Variants in KCNH8 observed in about 807,000 individuals in gnomAD.
KCNH8 encodes the protein voltage-gated delayed rectifier potassium channel KCNH8.
Under a neutral mutation model 103.6 loss-of-function variants are expected in KCNH8, and 70 were observed. That is an observed-to-expected ratio of 0.68 (90% CI 0.56 to 0.82). The LOEUF (loss-of-function observed/expected upper bound fraction) is 0.82. Among genes scored for constraint, KCNH8 ranks in the 40% least tolerant of loss-of-function variants. The pLI, the probability that KCNH8 is intolerant of heterozygous loss-of-function variation, is 0.00. For synonymous variants in KCNH8, 498 were observed against 489.4 expected, an observed-to-expected ratio of 1.02 and a Z score of -0.23; for missense variants, 1,217 against 1,329.9, an observed-to-expected ratio of 0.92 and a Z score of 1.32.
intron 7 of KCNH8, among the ~76,000 whole-genome samples, chr3:19,425,420 C>A (rs980902780): frequency 1.3e-5 from 2 of 152,176 alleles, no homozygotes; most frequent in African/African-American, 4.8e-5. Flanking sequence ...ATAATAAAGA[C>A]CTTTCTCCCT....
chr3:19,284,066 A>T (rs1175511661), intron 3 of KCNH8, among the ~76,000 whole-genome samples: 1 of 152,110 alleles, frequency 6.6e-6, no homozygotes, highest in African/African-American at 2.4e-5. Flanking sequence ...TTAACATATG[A>T]TATTTTTAAA....
intron 11 of KCNH8, among the ~76,000 whole-genome samples, chr3:19,498,553 A>G (rs562595347): frequency 6.6e-6 from 1 of 152,250 alleles, no homozygotes; most frequent in African/African-American, 2.4e-5. Context: ...ATTTTCTTTG[A>G]TCGTCTGAAG....
chr3:19,334,025 TATAAG>T (rs1334370607), intron 3 of KCNH8, among the ~76,000 whole-genome samples: 1 of 152,194 alleles, frequency 6.6e-6, no homozygotes, highest in African/African-American at 2.4e-5. Flanking sequence ...GCAATGCAGT[TATAAG>T]ATATTTGCTG....
At position 19,148,752 on chromosome 3, in the gene KCNH8, A is replaced by G. The variant is rs754168086; in HGVS notation, c.33A>G (p.Gln11=). 4.3e-6 allele frequency: 7 copies of G among 1,614,172 alleles called. No individual in the cohort carries two copies. The highest frequency in any genetic ancestry group is 5.1e-6 in the Non-Finnish European group (6 of 1,180,016). The stretch of plus-strand genomic sequence containing the variant: ...TTATGAAAGGATTACTGGCGCCGCA[A>G]AACACCTTCCTGGACACCATCGCCA... MPVMKGLLAP[Q]NTFLDTIATR... is the part of the protein sequence containing the mutation. Residue 11 remains glutamine (Q), a synonymous_variant, in exon 1 of 16, where the codon CAA becomes CAG. Transcript: ENST00000328405.
chr3:19,447,460 T>TA (rs2067379195), intron 8 of KCNH8, among the ~76,000 whole-genome samples: 1 of 152,044 alleles, frequency 6.6e-6, no homozygotes, highest in Non-Finnish European at 1.5e-5. Context: ...TTTAAGTGCT[T>TA]TACACATTAT....
At chr3:19,294,633 TA>T in intron 3 of KCNH8, among the ~76,000 whole-genome samples, 1 of 152,194 alleles carries the variant, frequency 6.6e-6, no homozygotes, top group African/African-American at 2.4e-5. Context: ...TAGCTATGTT[TA>T]AAAAATGATC....
In KCNH8 at chr3:19,276,663, T is replaced by C. The variant is rs938311717; in HGVS notation, c.311-4535T>C. Among the ~76,000 whole-genome samples the C allele has an allele frequency of 1.1e-4, 16 of 152,232 alleles. No homozygotes were observed. In the South Asian group the frequency reaches 1.2e-3, roughly 12 times the overall value. ...AAACCATGAACCCATACTAGAAACA[T>C]TATTATTAGTTAGCTATTATGAGTT... On this transcript the variant is annotated intron_variant, in intron 2 of 15. Transcript: ENST00000328405.
At chr3:19,501,225 AG>A (rs1475093716) in intron 11 of KCNH8, among the ~76,000 whole-genome samples, 1 of 152,208 alleles carries the variant, frequency 6.6e-6, no homozygotes, top group East Asian at 1.9e-4. Flanking sequence ...AGACTAAACC[AG>A]GAAGAAGTTG....
intron 11 of KCNH8, among the ~76,000 whole-genome samples, chr3:19,462,984 C>CAAAAA (rs1203273618): frequency 6.6e-6 from 1 of 152,104 alleles, no homozygotes; most frequent in African/African-American, 2.4e-5. Context: ...TCAAAATCAT[C>CAAAAA]AAAAAGTGGT....
chr3:19,292,098 G>A (rs1356508147), intron 3 of KCNH8, among the ~76,000 whole-genome samples: 1 of 152,124 alleles, frequency 6.6e-6, no homozygotes, highest in Non-Finnish European at 1.5e-5. Flanking sequence ...AACCAGTTGA[G>A]TATAATAATA....
chr3:19,232,777 C>T (rs1255498736), intron 1 of KCNH8, among the ~76,000 whole-genome samples: 1 of 152,188 alleles, frequency 6.6e-6, no homozygotes, highest in Non-Finnish European at 1.5e-5. Context: ...TGCCCTGTAG[C>T]ACCTGGGAAC....
At chr3:19,320,185 C>T (rs1172111705) in intron 3 of KCNH8, among the ~76,000 whole-genome samples, 1 of 151,978 alleles carries the variant, frequency 6.6e-6, no homozygotes, top group Non-Finnish European at 1.5e-5. Flanking sequence ...GCTGGGACTT[C>T]CAGTACTATG....
chr3:19,280,328 C>G (rs1257203292), intron 2 of KCNH8, among the ~76,000 whole-genome samples: 1 of 151,906 alleles, frequency 6.6e-6, no homozygotes, highest in African/African-American at 2.4e-5. Context: ...TACATGTAAG[C>G]ATTTAAGAAC....
At chr3:19,329,146 C>T (rs566028460) in intron 3 of KCNH8, among the ~76,000 whole-genome samples, 39 of 152,238 alleles carry the variant, frequency 2.6e-4, no homozygotes, top group Non-Finnish European at 4.9e-4. Context: ...TGTGCCATAA[C>T]CAGAAGGGCA....
rs145118254 is a variant in KCNH8, at chr3:19,485,122, C to T, written c.2041-25241C>T. Among the ~76,000 whole-genome samples the T allele has an allele frequency of 6.6e-4, 100 of 152,272 alleles. No individual in the cohort carries two copies. The East Asian group carries it at 0.012, about 18-fold the overall frequency. On this transcript the variant is annotated intron_variant, in intron 11 of 15. Transcript: ENST00000328405. The stretch of plus-strand genomic sequence containing the variant: ...TTCCAAGTGATTCCTAATGCCTTTG[C>T]TGTTTTCTGTACCAAGTCGCTCACA...
At chr3:19,309,642 A>G (rs957292370) in intron 3 of KCNH8, among the ~76,000 whole-genome samples, 1 of 151,930 alleles carries the variant, frequency 6.6e-6, no homozygotes, top group Non-Finnish European at 1.5e-5. Flanking sequence ...GAAAGTGATG[A>G]TTATTTCTGA....
intron 3 of KCNH8, among the ~76,000 whole-genome samples, chr3:19,339,938 A>G (rs2065635610): frequency 1.3e-5 from 2 of 152,044 alleles, no homozygotes; most frequent in African/African-American, 4.8e-5. Flanking sequence ...GAAGTCACTA[A>G]GAGACTTGGT....
At chr3:19,466,416 C>T (rs2067736790) in intron 11 of KCNH8, among the ~76,000 whole-genome samples, 1 of 152,116 alleles carries the variant, frequency 6.6e-6, no homozygotes, top group East Asian at 1.9e-4. Context: ...GGGTAAAATG[C>T]TATCAAACTG....
chr3:19,474,711 C>T (rs1164023335), intron 11 of KCNH8, among the ~76,000 whole-genome samples: 1 of 152,030 alleles, frequency 6.6e-6, no homozygotes, highest in African/African-American at 2.4e-5. Context: ...GATGTAATTC[C>T]ACTTGTATTT....
Sources: allele counts gnomAD v4.1 joint callset (sites outside exome capture counted in the v4.1 genomes callset), GRCh38; gene constraint gnomAD v4.1.1; transcripts MANE v1.5; gene names NCBI Gene and HGNC (gene_info 2026-07-23, HGNC 2026-07-21).